SRFBP1: variants seen among roughly 807,000 people sequenced by gnomAD.
The protein encoded by SRFBP1 is serum response factor binding protein 1, also known as serum response factor-binding protein 1.
Under a neutral mutation model 45.5 loss-of-function variants are expected in SRFBP1, and 47 were observed. The ratio of observed to expected loss-of-function variants is 1.03; its 90% confidence interval spans 0.82 to 1.32. SRFBP1 has a LOEUF of 1.32. SRFBP1 is among the 40% of genes most tolerant of loss of function. The pLI is 0.00. For synonymous variants in SRFBP1, 203 were observed against 166.3 expected (o/e 1.22, Z -1.70); for missense variants, 621 against 484.6 (o/e 1.28, Z -2.64).
intron 4 of SRFBP1, among the ~76,000 whole-genome samples, chr5:121,999,268 T>G (rs1752804941): frequency 6.6e-6 from 1 of 152,258 alleles, no homozygotes; most frequent in African/African-American, 2.4e-5. Context: ...TTCCAGACCG[T>G]TAGGGGTTTT....
intron 1 of SRFBP1, among the ~76,000 whole-genome samples, chr5:121,970,540 C>CT (rs879813053): frequency 1.4e-3 from 195 of 143,632 alleles, no homozygotes; most frequent in Admixed American, 1.9e-3. Flanking sequence ...CGTGGCCGTT[C>CT]TTTTTTTTTT....
chr5:122,037,178 G>C (rs778876467), intron 2 of SRFBP1, among the ~76,000 whole-genome samples: 24 of 152,274 alleles, frequency 1.6e-4, no homozygotes, highest in African/African-American at 5.3e-4. Context: ...GATTATAGGC[G>C]TGAGCCACTG....
intron 2 of SRFBP1, among the ~76,000 whole-genome samples, chr5:122,039,116 A>C (rs1753734907): frequency 6.6e-6 from 1 of 152,196 alleles, no homozygotes; most frequent in Non-Finnish European, 1.5e-5. Context: ...GAGATATCGT[A>C]ACTATAACAG....
intron 1 of SRFBP1, among the ~76,000 whole-genome samples, chr5:121,964,243 C>T (rs1217122050): frequency 2.6e-5 from 4 of 151,774 alleles, no homozygotes; most frequent in East Asian, 3.9e-4. Flanking sequence ...ATGTGCAGAA[C>T]GTGCAAGTTT....
At position 122,019,334 on chromosome 5, in the gene SRFBP1, G is replaced by C; in HGVS notation, c.345G>C (p.Val115=). ...CTCTTCTGAAGAAAAAGATAGATGT[G>C]CTAAAAGGTATGAATTAAATGACTT... ...VHPLLKKKID[V]LKAAVQAFKE... is the part of the protein sequence containing the mutation. Residue 115 remains valine, a synonymous_variant, in exon 5 of 8, where the codon GTG becomes GTC. Coordinates refer to ENST00000339397, the MANE Select transcript of SRFBP1 (RefSeq NM_152546.3). The C allele has an allele frequency of 6.2e-7, 1 of 1,611,012 alleles. No homozygotes were observed. Among genetic ancestry groups the C allele is most frequent in the Non-Finnish European group, 8.5e-7 (1 of 1,178,410 alleles).
chr5:121,999,593 C>G (rs1242624694), intron 4 of SRFBP1, among the ~76,000 whole-genome samples: 4 of 151,900 alleles, frequency 2.6e-5, no homozygotes, highest in Non-Finnish European at 5.9e-5. Flanking sequence ...AGCTTTGTCA[C>G]TTTTTGCCAT....
chr5:121,989,680 A>C (rs188068172), intron 3 of SRFBP1, among the ~76,000 whole-genome samples: 1 of 152,194 alleles, frequency 6.6e-6, no homozygotes, highest in African/African-American at 2.4e-5. Context: ...AGAAAGAGCA[A>C]GGTTGTATCT....
chr5:122,077,247 T>A, downstream of SRFBP1: 2 of 1,532,360 alleles, frequency 1.3e-6, no homozygotes, highest in South Asian at 2.5e-5. This position sits in a 1 kb window ranked among gnomAD's most constrained non-coding sequence, Gnocchi z 4.9. Flanking sequence ...GGGGGAGGGA[T>A]CGGATCTGCG....
At chr5:122,018,073 G>A (rs185032055) in intron 4 of SRFBP1, among the ~76,000 whole-genome samples, 1 of 152,342 alleles carries the variant, frequency 6.6e-6, no homozygotes, top group Admixed American at 6.5e-5. Flanking sequence ...CATTTAAGCA[G>A]AGACCTGAAT....
At chr5:122,068,428 A>T (rs1580557847) in intron 2 of SRFBP1, among the ~76,000 whole-genome samples, 1 of 152,212 alleles carries the variant, frequency 6.6e-6, no homozygotes, top group East Asian at 1.9e-4. Flanking sequence ...GGTCCTTCTG[A>T]TCTCACCACA....
intron 3 of SRFBP1, among the ~76,000 whole-genome samples, chr5:121,993,330 A>G (rs1397043323): frequency 6.6e-6 from 1 of 152,144 alleles, no homozygotes. Flanking sequence ...CATATAAATC[A>G]TGCTTCATTT....
chr5:122,020,973 T>G (rs1303086906), intron 6 of SRFBP1, among the ~76,000 whole-genome samples, 171 bp downstream of exon 6: 1 of 152,222 alleles, frequency 6.6e-6, no homozygotes, highest in Non-Finnish European at 1.5e-5. Context: ...GATACACATA[T>G]GGCAATGCCA....
intron 2 of SRFBP1, among the ~76,000 whole-genome samples, chr5:122,073,587 A>T (rs1248852201): frequency 6.6e-6 from 1 of 152,232 alleles, no homozygotes; most frequent in Non-Finnish European, 1.5e-5. Flanking sequence ...AAGCCGGTTA[A>T]GGAATACAGA....
chr5:122,066,589 T>A, intron 2 of SRFBP1: 1 of 570,562 alleles, frequency 1.8e-6, no homozygotes, highest in Non-Finnish European at 3.2e-6. Context: ...AATCCAGTTA[T>A]GTGCTTTGTT....
chr5:122,051,078 A>G (rs1427855650), intron 2 of SRFBP1, among the ~76,000 whole-genome samples: 1 of 152,098 alleles, frequency 6.6e-6, no homozygotes, highest in African/African-American at 2.4e-5. Context: ...TTTTCTTAGT[A>G]TTGATTCCTA....
At chr5:122,009,468 A>T (rs1210697847) in intron 4 of SRFBP1, among the ~76,000 whole-genome samples, 2 of 151,512 alleles carry the variant, frequency 1.3e-5, no homozygotes, top group East Asian at 3.9e-4. Context: ...TTTTCTTACT[A>T]TGTGTTATAT....
chr5:121,976,753 AATAT>A lies in SRFBP1; in HGVS notation c.198+1373_198+1376del, dbSNP rs58128264. ...TGTGTATGCATGTATATATATATAT[AATAT>A]ATATATGTGCATACACATACACATA... On this transcript the variant is annotated intron_variant, in intron 3 of 7. Coordinates refer to ENST00000339397, the MANE Select transcript of SRFBP1 (RefSeq NM_152546.3). 3.0e-3 allele frequency among the ~76,000 whole-genome samples: 457 copies of A among 150,338 alleles called. 2 individuals are homozygous for A. The highest frequency in any genetic ancestry group is 0.011 in the African/African-American group (439 of 41,162).
intron 4 of SRFBP1, among the ~76,000 whole-genome samples, chr5:122,012,089 G>C (rs1014500720): frequency 6.6e-6 from 1 of 152,076 alleles, no homozygotes; most frequent in African/African-American, 2.4e-5. Flanking sequence ...TCAGAAAACA[G>C]ATTTTGAGTT....
At chr5:122,056,845 GGGGAAATAAGAGGTCTAA>G (rs1754087850) in intron 2 of SRFBP1, among the ~76,000 whole-genome samples, 1 of 152,118 alleles carries the variant, frequency 6.6e-6, no homozygotes, top group Admixed American at 6.5e-5. Context: ...CTTTACTCCT[GGGGAAATAAGAGGTCTAA>G]GGGAAATAGT....
Sources: allele counts gnomAD v4.1 joint callset (sites outside exome capture counted in the v4.1 genomes callset), GRCh38; gene constraint gnomAD v4.1.1; non-coding constraint Gnocchi (gnomAD v3.1); transcripts MANE v1.5; gene names NCBI Gene and HGNC (gene_info 2026-07-23, HGNC 2026-07-21).